KCNB2: variants seen among roughly 807,000 people sequenced by gnomAD.
KCNB2 encodes delayed rectifier potassium channel protein.
A neutral mutation model predicts 61.5 loss-of-function variants in KCNB2; 15 were observed. That is an observed-to-expected ratio of 0.24 (90% CI 0.16 to 0.38). The LOEUF (loss-of-function observed/expected upper bound fraction) is 0.38, where lower values mean the gene tolerates loss of function less well. Among genes scored for constraint, KCNB2 ranks in the 10% least tolerant of loss-of-function variants. KCNB2 has a pLI of 1.00. For synonymous variants in KCNB2, 457 were observed against 446.0 expected (o/e 1.02, Z -0.31); for missense variants, 828 against 1,125.2 (o/e 0.74, Z 3.78).
At chr8:72,907,364 A>G (rs577167563) in intron 2 of KCNB2, among the ~76,000 whole-genome samples, 6 of 152,226 alleles carry the variant, frequency 3.9e-5, no homozygotes, top group African/African-American at 1.2e-4. Context: ...TCAAAAAACA[A>G]AAAACAAAAA....
At chr8:72,729,906 A>C (rs1433561826) in intron 2 of KCNB2, among the ~76,000 whole-genome samples, 2 of 152,048 alleles carry the variant, frequency 1.3e-5, no homozygotes. Flanking sequence ...AAGATTACAC[A>C]CATATATATA....
intron 2 of KCNB2, among the ~76,000 whole-genome samples, chr8:72,726,675 GTTAT>G (rs1157935699): frequency 6.6e-6 from 1 of 152,112 alleles, no homozygotes; most frequent in Non-Finnish European, 1.5e-5. Context: ...TGAATTACAG[GTTAT>G]TTGTCTTTCG....
chr8:72,858,141 G>A (rs1014686220), intron 2 of KCNB2, among the ~76,000 whole-genome samples: 20 of 152,172 alleles, frequency 1.3e-4, no homozygotes, highest in Non-Finnish European at 8.8e-5. Context: ...TACATGCATA[G>A]GTAGTCATAA....
intron 2 of KCNB2, among the ~76,000 whole-genome samples, chr8:72,690,017 A>G (rs1239116521): frequency 6.9e-6 from 1 of 144,182 alleles, no homozygotes; most frequent in Non-Finnish European, 1.5e-5. Flanking sequence ...ACAGGTCTGC[A>G]TTAAAACCTT....
chr8:72,561,876 T>C (rs1268952174), intron 1 of KCNB2, among the ~76,000 whole-genome samples: 1 of 148,242 alleles, frequency 6.7e-6, no homozygotes, highest in Non-Finnish European at 1.5e-5. Context: ...TTTCAAAAAT[T>C]GCAGCCAACA....
intron 2 of KCNB2, among the ~76,000 whole-genome samples, chr8:72,927,291 G>C (rs1310833529): frequency 6.7e-6 from 1 of 150,218 alleles, no homozygotes; most frequent in Non-Finnish European, 1.5e-5. Flanking sequence ...TTTCTTTTGA[G>C]ATGGAATCTT....
intron 2 of KCNB2, among the ~76,000 whole-genome samples, chr8:72,903,003 A>G (rs1806114090): frequency 6.6e-6 from 1 of 152,220 alleles, no homozygotes; most frequent in African/African-American, 2.4e-5. Flanking sequence ...GGTTCTGGAT[A>G]ACCTCTATTT....
chr8:72,807,169 G>A lies in KCNB2; in HGVS notation c.580-128766G>A, dbSNP rs149894371. Among the ~76,000 whole-genome samples, 961 of 152,312 alleles carry A rather than the reference G, an allele frequency of 6.3e-3. 7 individuals are homozygous for A. The highest frequency in any genetic ancestry group is 0.021 in the African/African-American group (883 of 41,560). On this transcript the variant is annotated intron_variant, in intron 2 of 2. Transcript: ENST00000523207. ...AGTATGCACACATTAACAGCCAGTG[G>A]AAGATATATGGCTGTTTTTGGAAGC...
At chr8:72,717,394 A>G (rs1807464200) in intron 2 of KCNB2, among the ~76,000 whole-genome samples, 1 of 152,234 alleles carries the variant, frequency 6.6e-6, no homozygotes, top group African/African-American at 2.4e-5. Context: ...GAGGCATCAC[A>G]CTACCTGACT....
At chr8:72,566,001 A>G (rs1162552078) in intron 1 of KCNB2, among the ~76,000 whole-genome samples, 2 of 152,186 alleles carry the variant, frequency 1.3e-5, no homozygotes, top group African/African-American at 4.8e-5. Context: ...TGGGAATATT[A>G]TGGAGAGCTT....
intron 2 of KCNB2, among the ~76,000 whole-genome samples, chr8:72,734,221 T>C (rs1807799716): frequency 6.6e-6 from 1 of 152,210 alleles, no homozygotes; most frequent in Non-Finnish European, 1.5e-5. Flanking sequence ...AGGTGCTTCA[T>C]ATTGTCAGCC....
At chr8:72,579,193 C>G (rs1364827810) in intron 2 of KCNB2, among the ~76,000 whole-genome samples, 1 of 152,164 alleles carries the variant, frequency 6.6e-6, no homozygotes, top group African/African-American at 2.4e-5. Flanking sequence ...CTGAGCCCCT[C>G]GAGAGCCCTC....
intron 2 of KCNB2, among the ~76,000 whole-genome samples, chr8:72,746,260 C>A (rs1283075726): frequency 6.6e-6 from 1 of 152,120 alleles, no homozygotes; most frequent in Non-Finnish European, 1.5e-5. Flanking sequence ...CTCTCCTCTA[C>A]CAAGTGCATG....
chr8:72,889,679 T>C (rs763640046), intron 2 of KCNB2, among the ~76,000 whole-genome samples: 1 of 151,836 alleles, frequency 6.6e-6, no homozygotes, highest in Non-Finnish European at 1.5e-5. Flanking sequence ...ACAGAGACCC[T>C]GTCTCAAAAG....
intron 2 of KCNB2, among the ~76,000 whole-genome samples, chr8:72,810,293 T>C (rs890961024): frequency 6.6e-6 from 1 of 152,136 alleles, no homozygotes; most frequent in Non-Finnish European, 1.5e-5. Context: ...TATCATCCAT[T>C]TTATTTTGAG....
chr8:72,725,609 A>ATGTG (rs1563572128), intron 2 of KCNB2, among the ~76,000 whole-genome samples: 5 of 57,140 alleles, frequency 8.8e-5, no homozygotes, highest in African/African-American at 2.1e-4. Flanking sequence ...ATATATATAT[A>ATGTG]TATATATATA....
At chr8:72,660,186 A>G (rs1432271340) in intron 2 of KCNB2, among the ~76,000 whole-genome samples, 3 of 152,208 alleles carry the variant, frequency 2.0e-5, no homozygotes, top group Admixed American at 1.3e-4. Context: ...CTAGACCTTC[A>G]GAAGGATGCT....
Position 72,778,733 on chromosome 8 carries a change from C to CAAAAAAAAAAAAAAAAAAAA in KCNB2, c.580-157191_580-157172dup. Among the ~76,000 whole-genome samples, 53 of 14,162 alleles carry CAAAAAAAAAAAAAAAAAAAA rather than the reference C, an allele frequency of 3.7e-3. 1 individual carries two copies. The highest frequency in any genetic ancestry group is 7.1e-3 in the Admixed American group (4 of 564). 9.3% of individuals were successfully genotyped at this position (14,162 alleles called of 152,430 possible). ...ATTCCAGCCTGGGCCACAGAGCGAG[C>CAAAAAAAAAAAAAAAAAAAA]AAAAAAAAAAAAAAAAAAAAAAAAA... On this transcript the variant is annotated intron_variant, in intron 2 of 2. Coordinates refer to ENST00000523207, the MANE Select transcript of KCNB2 (RefSeq NM_004770.3).
At chr8:72,759,874 G>C (rs922864465) in intron 2 of KCNB2, among the ~76,000 whole-genome samples, 5 of 152,174 alleles carry the variant, frequency 3.3e-5, no homozygotes, top group African/African-American at 1.2e-4. Context: ...ATAGCTGAAT[G>C]AGATGAGATC....
Sources: gnomAD v4.1 joint callset for allele counts (sites outside exome capture counted in the v4.1 genomes callset) on GRCh38, gnomAD v4.1.1 for gene constraint, MANE v1.5 for transcripts, NCBI Gene and HGNC (gene_info 2026-07-23, HGNC 2026-07-21) for gene names.